Variants in THEMIS observed in about 807,000 individuals in gnomAD.
THEMIS encodes the protein protein THEMIS.
A neutral mutation model predicts 52.6 loss-of-function variants in THEMIS; 37 were observed. The observed-to-expected ratio is 0.70, with a 90% confidence interval of 0.54 to 0.93. The LOEUF (loss-of-function observed/expected upper bound fraction) is 0.93. Among genes scored for constraint, THEMIS ranks in the 40% least tolerant of loss-of-function variants. The pLI, the probability that THEMIS is intolerant of heterozygous loss-of-function variation, is 0.00. For missense variants in THEMIS, 808 were observed against 763.1 expected (o/e 1.06, Z -0.69); for synonymous variants, 292 against 272.7 (o/e 1.07, Z -0.70).
intron 2 of THEMIS, among the ~76,000 whole-genome samples, chr6:127,851,203 C>CAG (rs897608502): frequency 1.3e-5 from 2 of 150,592 alleles, no homozygotes; most frequent in African/African-American, 2.4e-5. Flanking sequence ...AAAAGGAGAG[C>CAG]AGAGAGAGAG....
chr6:127,743,215 G>A (rs571113395), intron 4 of THEMIS, among the ~76,000 whole-genome samples: 36 of 152,156 alleles, frequency 2.4e-4, no homozygotes, highest in Non-Finnish European at 4.4e-4. Flanking sequence ...TGATATCTCA[G>A]ATACAGTGAT....
chr6:127,791,751 C>A (rs182431862), intron 4 of THEMIS, among the ~76,000 whole-genome samples: 1 of 152,162 alleles, frequency 6.6e-6, no homozygotes, highest in African/African-American at 2.4e-5. Context: ...CCTCACCCTC[C>A]CTCCCATGTT....
intron 1 of THEMIS, among the ~76,000 whole-genome samples, chr6:127,874,349 T>A (rs1272118135): frequency 6.6e-6 from 1 of 152,214 alleles, no homozygotes; most frequent in Non-Finnish European, 1.5e-5. Flanking sequence ...TTCTCTCAAC[T>A]GTGACTAGCA....
At chr6:127,810,682 T>C (rs1020848907) in intron 4 of THEMIS, among the ~76,000 whole-genome samples, 3 of 152,174 alleles carry the variant, frequency 2.0e-5, no homozygotes, top group Non-Finnish European at 2.9e-5. Context: ...TATTATGTTA[T>C]AATAGCGCAA....
At chr6:127,699,046 T>C in the THEMIS span, among the ~76,000 whole-genome samples, 1 of 113,570 alleles carries the variant, frequency 8.8e-6, no homozygotes, top group African/African-American at 2.9e-5. Context: ...ACTCTCTTCA[T>C]ATTTCTAGGA....
At chr6:127,859,929 G>C (rs1300449087) in intron 1 of THEMIS, among the ~76,000 whole-genome samples, 1 of 152,044 alleles carries the variant, frequency 6.6e-6, no homozygotes, top group Non-Finnish European at 1.5e-5. Context: ...ATTATTTTTT[G>C]CTTCAGGATA....
chr6:127,871,851 T>A (rs943084777), intron 1 of THEMIS, among the ~76,000 whole-genome samples: 5 of 152,160 alleles, frequency 3.3e-5, no homozygotes, highest in African/African-American at 9.6e-5. Context: ...ATTGTTTCAC[T>A]GGAAACAATC....
intron 4 of THEMIS, among the ~76,000 whole-genome samples, chr6:127,721,516 T>C (rs1466265850): frequency 6.6e-6 from 1 of 152,030 alleles, no homozygotes; most frequent in Admixed American, 6.6e-5. Context: ...TAGATATTTC[T>C]CAATTCCTTT....
chr6:127,901,005 A>G lies in THEMIS; in HGVS notation c.-73T>C, dbSNP rs1781120771. On this transcript the variant is annotated 5_prime_UTR_variant, in exon 1 of 6. Coordinates refer to ENST00000368248, the MANE Select transcript of THEMIS (RefSeq NM_001010923.3). The stretch of plus-strand genomic sequence containing the variant: ...GGCTTCTGGGTGACACTTGTCTGCA[A>G]TTGCAGCCCCTGCTCACCATTTCTT... The G allele has an allele frequency of 3.4e-6, 4 of 1,175,694 alleles. No homozygotes were observed. The highest frequency in any genetic ancestry group is 1.2e-5 in the South Asian group (1 of 81,684). 72.8% of individuals were successfully genotyped at this position (1,175,694 alleles called of 1,614,324 possible).
intron 4 of THEMIS, among the ~76,000 whole-genome samples, chr6:127,771,368 C>T (rs1289579655): frequency 6.6e-6 from 1 of 152,044 alleles, no homozygotes; most frequent in Non-Finnish European, 1.5e-5. Flanking sequence ...AATGCCATCC[C>T]CATTAAGCTA....
chr6:127,704,668 T>C (rs1049494192), downstream of THEMIS, among the ~76,000 whole-genome samples: 4 of 152,198 alleles, frequency 2.6e-5, no homozygotes, highest in African/African-American at 7.2e-5. Flanking sequence ...TAAGATCAAG[T>C]AAGCCCAGCA....
chr6:127,712,580 A>T (rs1009406728), intron 5 of THEMIS, among the ~76,000 whole-genome samples: 16 of 152,072 alleles, frequency 1.1e-4, no homozygotes, highest in African/African-American at 3.9e-4. Context: ...CTCATGTTGA[A>T]ATGGATATTC....
intron 1 of THEMIS, among the ~76,000 whole-genome samples, chr6:127,915,160 G>T (rs1407341297): frequency 6.6e-6 from 1 of 151,722 alleles, no homozygotes; most frequent in East Asian, 2.0e-4. Flanking sequence ...CTGGGGTGTG[G>T]AAGGAGGTTT....
intron 2 of THEMIS, among the ~76,000 whole-genome samples, chr6:127,843,506 A>G (rs574845059): frequency 6.6e-6 from 1 of 152,132 alleles, no homozygotes; most frequent in African/African-American, 2.4e-5. Context: ...TATTTCGATA[A>G]TTTTATATCA....
At chr6:127,839,979 C>T (rs1201761424) in intron 2 of THEMIS, among the ~76,000 whole-genome samples, 1 of 151,928 alleles carries the variant, frequency 6.6e-6, no homozygotes, top group African/African-American at 2.4e-5. Flanking sequence ...ATATTTTAAT[C>T]AGGTGAATGT....
intron 4 of THEMIS, among the ~76,000 whole-genome samples, chr6:127,728,440 C>T (rs1774629288): frequency 6.6e-6 from 1 of 152,178 alleles, no homozygotes. Context: ...ACTATTTCTG[C>T]TTTTTAGTTT....
intron 4 of THEMIS, among the ~76,000 whole-genome samples, chr6:127,811,891 C>T (rs916228928): frequency 1.3e-5 from 2 of 152,122 alleles, no homozygotes; most frequent in African/African-American, 2.4e-5. Context: ...TCTAAAGATG[C>T]TTTTGGAGAT....
chr6:127,872,002 ATAAAC>A (rs1435490153), intron 1 of THEMIS, among the ~76,000 whole-genome samples: 1 of 152,154 alleles, frequency 6.6e-6, no homozygotes, highest in African/African-American at 2.4e-5. Flanking sequence ...CATCAAAAAA[ATAAAC>A]AAATAAATAA....
At chr6:127,917,830 C>T (rs191057736) in intron 1 of THEMIS, among the ~76,000 whole-genome samples, 2 of 152,344 alleles carry the variant, frequency 1.3e-5, no homozygotes, top group Admixed American at 1.3e-4. Flanking sequence ...CAAATTCCTG[C>T]TTCCGAGGAA....
Sources: allele counts gnomAD v4.1 joint callset (sites outside exome capture counted in the v4.1 genomes callset), GRCh38; gene constraint gnomAD v4.1.1; transcripts MANE v1.5; gene names NCBI Gene and HGNC (gene_info 2026-07-23, HGNC 2026-07-21).